RBM19: variants seen among roughly 807,000 people sequenced by gnomAD.
The protein encoded by RBM19 is probable RNA-binding protein 19.
Under a neutral mutation model 116.8 loss-of-function variants are expected in RBM19, and 94 were observed. The ratio of observed to expected loss-of-function variants is 0.80; its 90% CI spans 0.68 to 0.95. The LOEUF is 0.95. Among genes scored for constraint, RBM19 ranks in the 40% least tolerant of loss-of-function variants. The pLI is 0.00. For missense variants in RBM19, 1,161 were observed against 1,220.7 expected, an observed-to-expected ratio of 0.95 and a Z score of 0.73; for synonymous variants, 475 against 494.1, an observed-to-expected ratio of 0.96 and a Z score of 0.51.
rs1456165895 is a variant in RBM19 at position 113,952,538 on chromosome 12, A to G, written c.974T>C (p.Val325Ala). 1.2e-6 allele frequency: 2 copies of G among 1,613,886 alleles called. No homozygotes were observed. Among genetic ancestry groups the G allele is most frequent in the Non-Finnish European group, 1.7e-6 (2 of 1,179,930 alleles). The change falls in exon 8 of 24, where the codon GTG becomes GCG. Residue 325 changes from valine (V) to alanine (A), a missense_variant. By Grantham distance (64) the Val-to-Ala change is moderately conservative (BLOSUM62 0). Transcript: ENST00000261741. ...TGTTTTATTCCCATGAGCGTTTCTC[A>G]CAATTCGAATGGCCACTGGTTTCAG... is the stretch of plus-strand genomic sequence containing the variant. ...APLKPVAIRI[V>A]RNAHGNKTGY...
chr12:113,896,111 A>T (rs548975380), intron 21 of RBM19, among the ~76,000 whole-genome samples: 1 of 152,300 alleles, frequency 6.6e-6, no homozygotes, highest in South Asian at 2.1e-4. Flanking sequence ...ACCACATATT[A>T]GCATTTTTCT....
At chr12:113,819,387 G>C (rs1302180969), downstream of RBM19, among the ~76,000 whole-genome samples, 2 of 152,168 alleles carry the variant, frequency 1.3e-5, no homozygotes, top group African/African-American at 4.8e-5. Context: ...AGCCTGTTAT[G>C]GTTCTCTTTC....
At chr12:113,878,144 C>T (rs183677326) in intron 21 of RBM19, among the ~76,000 whole-genome samples, 79 of 152,198 alleles carry the variant, frequency 5.2e-4, no homozygotes, top group African/African-American at 1.1e-3. Flanking sequence ...GAAACATCGA[C>T]GACCCTTGTT....
At position 113,898,587 on chromosome 12, in the gene RBM19, C is replaced by G. The variant is rs901348062; in HGVS notation, c.2558+16382G>C. On this transcript the variant is annotated intron_variant, in intron 21 of 23. Transcript: ENST00000261741. The surrounding 1 kb of genome is among the most constrained non-coding windows in gnomAD (Gnocchi z 4.3). ...GTGATCAGGATAGAACCAATAAGCA[C>G]CGCTGCATGAAAACGGGTGTTTGAT... 6.6e-6 allele frequency among the ~76,000 whole-genome samples: 1 copy of G among 152,204 alleles called. No individual in the cohort carries two copies. The highest frequency in any genetic ancestry group is 1.5e-5 in the Non-Finnish European group (1 of 68,038).
At chr12:113,891,978 G>A (rs73397023) in intron 21 of RBM19, among the ~76,000 whole-genome samples, 79 of 152,210 alleles carry the variant, frequency 5.2e-4, no homozygotes, top group African/African-American at 1.5e-3. Context: ...ATGTGACAAC[G>A]CACATCCTGA....
Position 113,829,143 on chromosome 12 carries a change from G to A in RBM19, c.2786-5822C>T, listed in dbSNP as rs377124538. On this transcript the variant is annotated intron_variant, in intron 23 of 23. Transcript: ENST00000261741. ...CTCCCAAGTAGCTGGGATTACAGGC[G>A]TACACCACCAGGCCCAACTAATTTT... Among the ~76,000 whole-genome samples the A allele has an allele frequency of 1.1e-3, 171 of 152,192 alleles. 1 individual carries two copies. The highest frequency in any genetic ancestry group is 3.7e-3 in the African/African-American group (153 of 41,534).
intron 16 of RBM19, among the ~76,000 whole-genome samples, chr12:113,930,953 A>C (rs1180663076): frequency 6.6e-6 from 1 of 152,154 alleles, no homozygotes; most frequent in African/African-American, 2.4e-5. Context: ...TACCTATAAA[A>C]TAGAGCTTAT....
chr12:113,935,185 G>A lies in RBM19; in HGVS notation c.2068+1822C>T, dbSNP rs144893476. Among the ~76,000 whole-genome samples, 324 of 152,302 alleles carry A rather than the reference G, an allele frequency of 2.1e-3. 1 individual carries two copies. Among genetic ancestry groups the A allele is most frequent in the African/African-American group, 7.4e-3 (309 of 41,566 alleles). ...AAGCGGTCACTTTGGGAGCCACCAC[G>A]TGTCCCCAGCCTGCCTCCTGTTGCC... On this transcript the variant is annotated intron_variant, in intron 16 of 23. Transcript: ENST00000261741.
intron 20 of RBM19, among the ~76,000 whole-genome samples, chr12:113,916,340 GAGGTTGC>G (rs1882771752): frequency 1.3e-5 from 2 of 152,314 alleles, no homozygotes; most frequent in Non-Finnish European, 2.9e-5. Flanking sequence ...CCAGGAGGCG[GAGGTTGC>G]AGTGAGCTAA....
chr12:113,844,805 A>C lies in RBM19; in HGVS notation c.2665-17T>G, dbSNP rs759797588. 7 of 1,600,702 alleles carry C rather than the reference A, an allele frequency of 4.4e-6. No individual in the cohort carries two copies. The highest frequency in any genetic ancestry group is 3.4e-6 in the Non-Finnish European group (4 of 1,172,112). ...GAAGGCTCTCTGCAGAGGGACAAGAAACGAAACTGCACATCAGCTGGATCA... is the reference window on the plus strand; with the variant it reads ...GAAGGCTCTCTGCAGAGGGACAAGACACGAAACTGCACATCAGCTGGATCA... On this transcript the variant is annotated splice_polypyrimidine_tract_variant and intron_variant, in intron 22 of 23. Transcript: ENST00000261741.
intron 16 of RBM19, among the ~76,000 whole-genome samples, chr12:113,928,329 T>G (rs1869292632): frequency 6.6e-6 from 1 of 151,012 alleles, no homozygotes; most frequent in African/African-American, 2.4e-5. Flanking sequence ...AGAGTGAGAC[T>G]CCATCTCAAA....
chr12:113,893,274 GT>G, intron 21 of RBM19, among the ~76,000 whole-genome samples: 1 of 152,132 alleles, frequency 6.6e-6, no homozygotes, highest in South Asian at 2.1e-4. Flanking sequence ...GCCTCCCAAA[GT>G]TCTGGGATTA....
At position 113,858,703 on chromosome 12, in the gene RBM19, G is replaced by C. The variant is rs1485148952; in HGVS notation, c.2664+88C>G. The C allele has an allele frequency of 1.5e-5, 19 of 1,245,708 alleles. No individual in the cohort carries two copies. In the East Asian group the frequency reaches 4.4e-4, roughly 29 times the overall value. The allele number at this position is 1,245,708 out of a possible 1,614,324, so 77.2% of individuals were successfully genotyped here. On this transcript the variant is annotated intron_variant, in intron 22 of 23. Transcript: ENST00000261741. ...AACACCTGCATGGGGAGGTGACTCT[G>C]TGTGTGTTAGAGGCCTGGCTGTCTC...
In RBM19 at chr12:113,942,471, C is replaced by T. The variant is rs768503970; in HGVS notation, c.1627-37G>A. 1.9e-5 allele frequency: 30 copies of T among 1,548,498 alleles called. 1 individual carries two copies. The highest frequency in any genetic ancestry group is 7.1e-5 in the East Asian group (3 of 42,320). On this transcript the variant is annotated intron_variant, in intron 13 of 23. Coordinates refer to ENST00000261741, the MANE Select transcript of RBM19 (RefSeq NM_016196.4). ...GAAAGGAAGAGTTCTGGTTGGCTGT[C>T]GGCCAGGTGACTTGCTGGCCCTCCC...
At chr12:113,868,630 A>C (rs1879007594) in intron 21 of RBM19, among the ~76,000 whole-genome samples, 1 of 152,202 alleles carries the variant, frequency 6.6e-6, no homozygotes, top group Admixed American at 6.5e-5. Flanking sequence ...ACTCCCAAAC[A>C]AGGAAAGCTA....
At chr12:113,920,024 C>T (rs1004281141) in intron 19 of RBM19, among the ~76,000 whole-genome samples, 5 of 152,168 alleles carry the variant, frequency 3.3e-5, no homozygotes, top group East Asian at 1.9e-4. Context: ...CACCCCACGC[C>T]GCCCCTGCCA....
intron 11 of RBM19, 69 bp downstream of exon 11, chr12:113,947,265 C>T (rs1871104964): frequency 3.9e-6 from 6 of 1,519,802 alleles, no homozygotes; most frequent in Non-Finnish European, 5.3e-6. Flanking sequence ...CATACACACA[C>T]ACACACACCA....
Position 113,822,992 on chromosome 12 carries a change from C to T in RBM19, c.*232G>A, listed in dbSNP as rs970128064. The T allele has an allele frequency of 1.3e-5, 7 of 539,218 alleles. No individual in the cohort carries two copies. Among genetic ancestry groups the T allele is most frequent in the African/African-American group, 7.6e-5 (4 of 52,344 alleles). The allele number at this position is 539,218 out of a possible 1,614,324, so 33.4% of individuals were successfully genotyped here. On this transcript the variant is annotated 3_prime_UTR_variant, in exon 24 of 24. Coordinates refer to ENST00000261741, the MANE Select transcript of RBM19 (RefSeq NM_016196.4). The stretch of plus-strand genomic sequence containing the variant: ...CCGTGTCTGCTACAGAGCAGGTGCG[C>T]AGTCAGTGTCTGCTAGAACGCGTCA...
rs374106157 is a variant in RBM19 at position 113,907,881 on chromosome 12, T to C, written c.2558+7088A>G. 1.5e-3 allele frequency among the ~76,000 whole-genome samples: 229 copies of C among 152,270 alleles called. 1 individual carries two copies. Among genetic ancestry groups the C allele is most frequent in the Non-Finnish European group, 2.4e-3 (164 of 68,026 alleles). On this transcript the variant is annotated intron_variant, in intron 21 of 23. Transcript: ENST00000261741. Reference sequence around the variant, plus strand: ...GGATGAGGTTGCAAGCTCTTAACTCTGCTGCGGAAGCCCCAAAGCACCAGG... The same window carrying C: ...GGATGAGGTTGCAAGCTCTTAACTCCGCTGCGGAAGCCCCAAAGCACCAGG...
Sources: gnomAD v4.1 joint callset for allele counts (sites outside exome capture counted in the v4.1 genomes callset) on GRCh38, gnomAD v4.1.1 for gene constraint, Gnocchi (gnomAD v3.1) non-coding constraint, MANE v1.5 for transcripts, NCBI Gene and HGNC (gene_info 2026-07-23, HGNC 2026-07-21) for gene names.